Variants in RBFOX1 observed in about 807,000 individuals in gnomAD.
The protein encoded by RBFOX1 is RNA binding fox-1 homolog 1, also known as RNA binding protein fox-1 homolog 1.
A neutral mutation model predicts 57.7 loss-of-function variants in RBFOX1; 8 were observed. The observed-to-expected ratio is 0.14, with a 90% CI of 0.08 to 0.25. The LOEUF (loss-of-function observed/expected upper bound fraction) is 0.25, where lower values mean the gene tolerates loss of function less well. Among genes scored for constraint, RBFOX1 ranks in the 10% least tolerant of loss-of-function variants. The pLI is 1.00. For synonymous variants in RBFOX1, 326 were observed against 222.4 expected, an observed-to-expected ratio of 1.47 and a Z score of -4.15; for missense variants, 611 against 548.5, an observed-to-expected ratio of 1.11 and a Z score of -1.14.
intron 4 of RBFOX1, among the ~76,000 whole-genome samples, chr16:7,217,043 C>CCCTCCCTT (rs1567748798): frequency 1.4e-4 from 15 of 109,476 alleles, no homozygotes; most frequent in African/African-American, 3.0e-4. Flanking sequence ...CTCCCTCCCT[C>CCCTCCCTT]CCTCCCTCCC....
chr16:5,922,053 T>C (rs1285936441), intron 4 of RBFOX1, among the ~76,000 whole-genome samples: 1 of 151,890 alleles, frequency 6.6e-6, no homozygotes, highest in East Asian at 1.9e-4. Context: ...CTCAGCTACT[T>C]GGGAGGCTGA....
intron 2 of RBFOX1, among the ~76,000 whole-genome samples, chr16:5,544,311 CAT>C (rs1315507846): frequency 6.6e-6 from 1 of 152,048 alleles, no homozygotes; most frequent in African/African-American, 2.4e-5. Context: ...GAAACCAGCA[CAT>C]GTTAAGTAAC....
At chr16:7,440,424 C>G (rs1002589527) in intron 4 of RBFOX1, among the ~76,000 whole-genome samples, 15 of 152,052 alleles carry the variant, frequency 9.9e-5, no homozygotes, top group African/African-American at 3.6e-4. Flanking sequence ...CTCTCCCAAG[C>G]CTATGTCCCT....
intron 2 of RBFOX1, among the ~76,000 whole-genome samples, chr16:5,587,255 A>T (rs976178754): frequency 6.6e-6 from 1 of 152,244 alleles, no homozygotes; most frequent in African/African-American, 2.4e-5. Context: ...CAACTCAATT[A>T]AAAAATGGGC....
chr16:7,651,436 A>G (rs1308555527), intron 11 of RBFOX1, among the ~76,000 whole-genome samples: 1 of 152,046 alleles, frequency 6.6e-6, no homozygotes, highest in East Asian at 1.9e-4. Context: ...ACCCCGTCCA[A>G]CCTCCTTGGT....
chr16:7,663,082 A>G (rs1016714983), intron 12 of RBFOX1, among the ~76,000 whole-genome samples: 1 of 152,226 alleles, frequency 6.6e-6, no homozygotes, highest in Non-Finnish European at 1.5e-5. Flanking sequence ...AGCGGTTTTG[A>G]TATGGCTAAG....
intron 1 of RBFOX1, among the ~76,000 whole-genome samples, chr16:6,056,658 T>C (rs991190834): frequency 6.6e-6 from 1 of 152,174 alleles, no homozygotes. Flanking sequence ...ACCAAATCAA[T>C]GAAGATACTC....
At position 7,688,673 on chromosome 16, in the gene RBFOX1, T is replaced by G. The variant is rs2076652861; in HGVS notation, c.995+11835T>G. ...CGGCAATCCACAGGACTAATTTAAG[T>G]GTACCACCAGCTGAGGCAGATAGAG... On this transcript the variant is annotated intron_variant, in intron 14 of 15. Transcript: ENST00000550418. 3.9e-5 allele frequency among the ~76,000 whole-genome samples: 6 copies of G among 152,062 alleles called. No individual in the cohort carries two copies. In the South Asian group the frequency reaches 1.0e-3, roughly 26 times the overall value.
intron 10 of RBFOX1, among the ~76,000 whole-genome samples, chr16:7,625,959 A>T (rs1484592460): frequency 6.6e-6 from 1 of 152,194 alleles, no homozygotes; most frequent in Non-Finnish European, 1.5e-5. Context: ...AGTAGCATCA[A>T]TGGGGGAAGA....
At chr16:5,263,920 C>T (rs1395493526) in intron 1 of RBFOX1, among the ~76,000 whole-genome samples, 2 of 152,176 alleles carry the variant, frequency 1.3e-5, no homozygotes, top group Non-Finnish European at 2.9e-5. Flanking sequence ...TTTAGTGGAA[C>T]TACCATATCC....
chr16:5,345,129 C>T (rs573837313), intron 1 of RBFOX1, among the ~76,000 whole-genome samples: 2 of 152,200 alleles, frequency 1.3e-5, no homozygotes, highest in African/African-American at 4.8e-5. Flanking sequence ...GGGGCTGCCT[C>T]GACCCTCTGT....
intron 3 of RBFOX1, among the ~76,000 whole-genome samples, chr16:5,710,468 G>C (rs1223698947): frequency 6.6e-6 from 1 of 152,174 alleles, no homozygotes; most frequent in Non-Finnish European, 1.5e-5. Flanking sequence ...GGCTGCTGCT[G>C]CTATGCTAAC....
In RBFOX1 at chr16:5,429,725, T is replaced by C. The variant is rs2067672457; in HGVS notation, c.220-37491T>C. ...TTCAAAACCGTCTCAAATACATCAC[T>C]GTGCCATAATTCTGCTGCTGTCAAT... On this transcript the variant is annotated intron_variant, in intron 1 of 2. Coordinates refer to the RBFOX1 transcript ENST00000585867. Among the ~76,000 whole-genome samples the C allele has an allele frequency of 2.0e-5, 3 of 152,218 alleles. No individual in the cohort carries two copies. The South Asian group carries it at 6.2e-4, about 32-fold the overall frequency.
intron 2 of RBFOX1, among the ~76,000 whole-genome samples, chr16:6,517,405 T>C (rs998773071): frequency 2.0e-5 from 3 of 152,148 alleles, no homozygotes; most frequent in African/African-American, 7.2e-5. Context: ...TGACAGTTTA[T>C]TACTCCCTGA....
chr16:5,411,208 A>T (rs2067012959), intron 1 of RBFOX1, among the ~76,000 whole-genome samples: 1 of 152,240 alleles, frequency 6.6e-6, no homozygotes, highest in Admixed American at 6.5e-5. Context: ...AAGTGCGAAC[A>T]AGTCACCTTG....
At chr16:6,229,946 A>G (rs1434820558) in intron 1 of RBFOX1, among the ~76,000 whole-genome samples, 1 of 152,180 alleles carries the variant, frequency 6.6e-6, no homozygotes. Context: ...TTTAAAGGAA[A>G]AGAAAAGGTA....
intron 4 of RBFOX1, among the ~76,000 whole-genome samples, chr16:7,430,424 G>T (rs1369342442): frequency 6.6e-6 from 1 of 152,152 alleles, no homozygotes; most frequent in Non-Finnish European, 1.5e-5. Context: ...CACTTCGGGA[G>T]GCTGAGGCAG....
chr16:6,729,669 T>G (rs1250324278), intron 3 of RBFOX1, among the ~76,000 whole-genome samples: 1 of 152,166 alleles, frequency 6.6e-6, no homozygotes, highest in Non-Finnish European at 1.5e-5. Flanking sequence ...CTTGCAACCC[T>G]TAATATATGA....
chr16:5,284,738 A>G (rs1261472705), intron 1 of RBFOX1, among the ~76,000 whole-genome samples: 1 of 74,772 alleles, frequency 1.3e-5, no homozygotes, highest in Admixed American at 1.3e-4. Context: ...TTTGCTGGGT[A>G]TAGTAGTTTT....
Sources: allele counts gnomAD v4.1 joint callset (sites outside exome capture counted in the v4.1 genomes callset), GRCh38; gene constraint gnomAD v4.1.1; transcripts MANE v1.5; gene names NCBI Gene and HGNC (gene_info 2026-07-23, HGNC 2026-07-21).